Variants in MTMR1 observed in about 807,000 individuals in gnomAD.
MTMR1 encodes myotubularin related protein 1, also known as phosphatidylinositol-3-phosphate phosphatase MTMR1.
A neutral mutation model predicts 51.6 loss-of-function variants in MTMR1; 17 were observed. That is an observed-to-expected ratio of 0.33 (90% CI 0.23 to 0.49). MTMR1 has a LOEUF of 0.49. Among genes scored for constraint, MTMR1 ranks in the 20% least tolerant of loss-of-function variants. MTMR1 has a pLI of 0.99. For missense variants in MTMR1, 386 were observed against 526.9 expected, an observed-to-expected ratio of 0.73 and a Z score of 2.62; for synonymous variants, 201 against 205.6, an observed-to-expected ratio of 0.98 and a Z score of 0.19.
At chrX:150,747,572 A>G (rs912198727) in intron 13 of MTMR1, among the ~76,000 whole-genome samples, 30 of 112,182 alleles carry the variant, frequency 2.7e-4, no homozygotes, top group Admixed American at 6.6e-4. Flanking sequence ...AAAACAAACT[A>G]TGAATTGCAG....
intron 2 of MTMR1, among the ~76,000 whole-genome samples, chrX:150,712,018 C>G (rs1218286897): frequency 9.1e-6 from 1 of 109,772 alleles, no homozygotes; most frequent in Non-Finnish European, 1.9e-5. Flanking sequence ...AACTAATGAA[C>G]TTTTTGAACA....
chrX:150,742,131 AT>A (rs782217900), intron 12 of MTMR1, among the ~76,000 whole-genome samples: 1 of 112,337 alleles, frequency 8.9e-6, no homozygotes, highest in East Asian at 2.8e-4. Context: ...ATGAGGATAC[AT>A]TCTGAGAAAT....
chrX:150,750,863 G>C lies in MTMR1; in HGVS notation c.1680+20G>C, dbSNP rs781956981. On this transcript the variant is annotated intron_variant, in intron 14 of 15. Coordinates refer to ENST00000445323, the MANE Select transcript of MTMR1 (RefSeq NM_001306144.3). ...AAAGAGGTGAGTATGCTGCATCCTT[G>C]TCTGTTGCTTTCCCTGTGGCTCAGG... The C allele has an allele frequency of 5.3e-6, 6 of 1,138,281 alleles. No homozygotes were observed. Among genetic ancestry groups the C allele is most frequent in the Non-Finnish European group, 1.2e-6 (1 of 832,573 alleles). The allele number at this position is 1,138,281 out of a possible 1,213,427, so 93.8% of individuals were successfully genotyped here.
At chrX:150,735,052 G>A (rs1299346861) in intron 10 of MTMR1, among the ~76,000 whole-genome samples, 2 of 112,072 alleles carry the variant, frequency 1.8e-5, no homozygotes, top group Non-Finnish European at 3.8e-5. Flanking sequence ...AAGGAAGATG[G>A]CGATGTGGCA....
At chrX:150,760,306 A>G (rs2043061286) in intron 15 of MTMR1, among the ~76,000 whole-genome samples, 2 of 94,346 alleles carry the variant, frequency 2.1e-5, no homozygotes, top group African/African-American at 7.1e-5. Flanking sequence ...GAGAAGGAGG[A>G]AGAGAGGGGA....
chrX:150,732,870 G>C, intron 10 of MTMR1, 140 bp downstream of exon 10: 1 of 580,349 alleles, frequency 1.7e-6, no homozygotes, highest in Non-Finnish European at 2.6e-6. Context: ...TTCCTCCCTG[G>C]TGTATGCTCC....
At chrX:150,712,000 C>G (rs1379222710) in intron 2 of MTMR1, among the ~76,000 whole-genome samples, 1 of 109,837 alleles carries the variant, frequency 9.1e-6, no homozygotes, top group African/African-American at 3.3e-5. Context: ...TTCAGTATTC[C>G]AAATGGAAAC....
chrX:150,730,449 A>G (rs1362319528), intron 7 of MTMR1, 76 bp from the exon 8 acceptor site: 2 of 707,254 alleles, frequency 2.8e-6, no homozygotes, highest in African/African-American at 2.2e-5. Context: ...CTCATATTAG[A>G]ATGAAAAGCT....
chrX:150,762,900 C>A lies in MTMR1; in HGVS notation c.*171C>A. 1.8e-6 allele frequency: 1 copy of A among 540,980 alleles called. No homozygotes were observed. The highest frequency in any genetic ancestry group is 2.7e-6 in the Non-Finnish European group (1 of 374,074). The allele number at this position is 540,980 out of a possible 1,213,427, so 44.6% of individuals were successfully genotyped here. A position where few individuals can be genotyped will look rare whatever the true frequency, so the allele number is the denominator to read the frequency against. On this transcript the variant is annotated 3_prime_UTR_variant, in exon 16 of 16. Coordinates refer to ENST00000445323, the MANE Select transcript of MTMR1 (RefSeq NM_001306144.3). Reference sequence around the variant, plus strand: ...TTGGCAACCGTTACCCTCCTGTCAGCGGTTTCACAGGGGAGCCGTCTGTCA... The same window carrying A: ...TTGGCAACCGTTACCCTCCTGTCAGAGGTTTCACAGGGGAGCCGTCTGTCA...
At chrX:150,720,079 G>T (rs1311423058) in intron 4 of MTMR1, among the ~76,000 whole-genome samples, 2 of 111,863 alleles carry the variant, frequency 1.8e-5, no homozygotes, top group Non-Finnish European at 3.8e-5. Flanking sequence ...GCTTGCAAAG[G>T]GTAAGTAAAT....
At chrX:150,693,745 C>G (rs1238411645) in intron 1 of MTMR1, 69 bp downstream of exon 1, 1 of 686,873 alleles carries the variant, frequency 1.5e-6, no homozygotes, top group Non-Finnish European at 1.7e-6. Context: ...GAGGCCAGCC[C>G]GCCCCCTCCC....
intron 2 of MTMR1, among the ~76,000 whole-genome samples, chrX:150,703,225 A>T (rs782436151): frequency 8.9e-6 from 1 of 112,365 alleles, no homozygotes; most frequent in African/African-American, 3.2e-5. Flanking sequence ...AGAGAACATG[A>T]TGGAGTAGTA....
intron 1 of MTMR1, among the ~76,000 whole-genome samples, chrX:150,696,128 C>G (rs1241292799): frequency 9.0e-6 from 1 of 111,225 alleles, no homozygotes; most frequent in African/African-American, 3.3e-5. Flanking sequence ...GTAGGAACAT[C>G]AGCATTGAGA....
intron 4 of MTMR1, among the ~76,000 whole-genome samples, chrX:150,726,601 G>A (rs937389303): frequency 2.7e-5 from 3 of 112,142 alleles, no homozygotes; most frequent in Non-Finnish European, 3.8e-5. Context: ...TCATTCCAGT[G>A]GAATGGCACT....
Position 150,726,887 on chromosome X carries a change from T to C in MTMR1, c.353-328T>C, listed in dbSNP as rs182217145. ...TTCATGAAACAGTAGCCCAGGGTTT[T>C]CAGAGTTTAATTAATGTTTTGAATA... is the stretch of plus-strand genomic sequence containing the variant. On this transcript the variant is annotated intron_variant, in intron 4 of 15. Coordinates refer to ENST00000445323, the MANE Select transcript of MTMR1 (RefSeq NM_001306144.3). 2.3e-3 allele frequency among the ~76,000 whole-genome samples: 258 copies of C among 112,016 alleles called. 1 individual carries two copies. Among genetic ancestry groups the C allele is most frequent in the Non-Finnish European group, 3.8e-3 (203 of 53,213 alleles).
Position 150,737,636 on chromosome X carries a change from G to A in MTMR1, c.1473+188G>A, listed in dbSNP as rs782022242. ...AGGCATTGTATGTTCCTCATAGGGCGTTTTTATTTTAGTGTATTTATGCCT... is the reference window on the plus strand; with the variant it reads ...AGGCATTGTATGTTCCTCATAGGGCATTTTTATTTTAGTGTATTTATGCCT... On this transcript the variant is annotated intron_variant, in intron 12 of 15. Transcript: ENST00000445323. 1.4e-4 allele frequency among the ~76,000 whole-genome samples: 16 copies of A among 112,282 alleles called. No individual in the cohort carries two copies. In the South Asian group the frequency reaches 4.4e-3, roughly 31 times the overall value.
chrX:150,726,616 G>T (rs1557416778), intron 4 of MTMR1, among the ~76,000 whole-genome samples: 1 of 112,143 alleles, frequency 8.9e-6, no homozygotes, highest in African/African-American at 3.2e-5. Context: ...GGCACTTTGG[G>T]AAAACATGAA....
At chrX:150,760,209 G>C (rs1456411679) in intron 15 of MTMR1, among the ~76,000 whole-genome samples, 1 of 108,264 alleles carries the variant, frequency 9.2e-6, no homozygotes, top group Admixed American at 9.8e-5. Context: ...GTGGGAATGG[G>C]GGTGGGGGAG....
At position 150,762,690 on chromosome X, in the gene MTMR1, G is replaced by A. The variant is rs143691344; in HGVS notation, c.1983G>A (p.Ser661=). ...AVSSSSERGS[S]PSHSATSVHT... ...CATCCTCATCTGAGCGGGGCTCCTC[G>A]CCCTCCCACTCCGCCACCTCCGTCC... Residue 661 remains serine, a synonymous_variant, in exon 16 of 16, where the codon TCG becomes TCA. Transcript: ENST00000445323. 1.2e-4 allele frequency: 140 copies of A among 1,186,129 alleles called. No homozygotes were observed. The African/African-American group carries it at 2.0e-3, about 17-fold the overall frequency.
Sources: allele counts gnomAD v4.1 joint callset (sites outside exome capture counted in the v4.1 genomes callset), GRCh38; gene constraint gnomAD v4.1.1; transcripts MANE v1.5; gene names NCBI Gene and HGNC (gene_info 2026-07-23, HGNC 2026-07-21).